The following VWA8 variants were observed in gnomAD, a reference collection of about 807,000 sequenced individuals.
VWA8 encodes the protein von Willebrand factor A domain containing 8.
In VWA8, 221 loss-of-function variants were observed where a neutral mutation model predicts 241.5. The ratio of observed to expected loss-of-function variants is 0.91; its 90% CI spans 0.82 to 1.02. The LOEUF is 1.02. VWA8 is among the 50% of genes least tolerant of loss of function. The pLI is 0.00. For missense variants in VWA8, 2,322 were observed against 2,328.7 expected, an observed-to-expected ratio of 1.00 and a Z score of 0.06; for synonymous variants, 852 against 827.1, an observed-to-expected ratio of 1.03 and a Z score of -0.52.
chr13:41,926,164 C>T, intron 2 of VWA8: 1 of 612,442 alleles, frequency 1.6e-6, no homozygotes, highest in South Asian at 2.2e-5. Flanking sequence ...CCTGGGAAAA[C>T]CAAGAAGGGT....
chr13:41,783,553 G>A (rs1327395331), intron 19 of VWA8, among the ~76,000 whole-genome samples: 10 of 151,154 alleles, frequency 6.6e-5, no homozygotes, highest in Non-Finnish European at 8.8e-5. Context: ...TAGAAGAATC[G>A]CTTGAACCTG....
chr13:41,747,323 A>G (rs1285061120), intron 21 of VWA8, among the ~76,000 whole-genome samples: 5 of 152,196 alleles, frequency 3.3e-5, no homozygotes, highest in South Asian at 4.1e-4. Context: ...CATCCCTTGT[A>G]AGTTGGATTC....
chr13:41,813,297 A>T (rs1870548802), intron 16 of VWA8, among the ~76,000 whole-genome samples: 2 of 152,172 alleles, frequency 1.3e-5, no homozygotes, highest in South Asian at 4.1e-4. Context: ...ATCTGCCTAT[A>T]AAAGGAAAAA....
rs748380246 is a variant in VWA8, at chr13:41,761,149, C to T, written c.2405G>A (p.Arg802Gln). 3.7e-6 allele frequency: 6 copies of T among 1,611,438 alleles called. 1 individual carries two copies. The highest frequency in any genetic ancestry group is 2.2e-5 in the South Asian group (2 of 90,952). ...DRFLHLLNRPREYIQLHRDTT... is the reference protein window; with the variant it reads ...DRFLHLLNRPQEYIQLHRDTT... ...TTACCTGTGTAGCTGAATATATTCT[C>T]GGGGTCTGTTGAGCAGGTGAAGGAA... Residue 802 changes from arginine to glutamine, a missense_variant, in exon 21 of 45, where the codon CGA (arginine) becomes CAA (glutamine). Physicochemically the swap from Arg to Gln is conservative, Grantham distance 43. Transcript: ENST00000379310.
chr13:41,838,648 A>T (rs979687205), intron 12 of VWA8, among the ~76,000 whole-genome samples: 1 of 152,226 alleles, frequency 6.6e-6, no homozygotes, highest in African/African-American at 2.4e-5. Flanking sequence ...CTAAACAAGG[A>T]AAGATGAAAC....
At chr13:41,875,201 A>G (rs1009576628) in intron 9 of VWA8, among the ~76,000 whole-genome samples, 12 of 152,218 alleles carry the variant, frequency 7.9e-5, no homozygotes, top group Middle Eastern at 6.8e-3. Flanking sequence ...CTATGAGTAG[A>G]CAGAAACCCC....
intron 35 of VWA8, among the ~76,000 whole-genome samples, chr13:41,676,621 G>C (rs769565962): frequency 1.3e-5 from 2 of 151,978 alleles, no homozygotes; most frequent in Non-Finnish European, 2.9e-5. Context: ...GAAGTGTTCT[G>C]CTGTTTTTGT....
At chr13:41,729,417 G>T (rs2045463050) in intron 23 of VWA8, 125 bp downstream of exon 23, 3 of 901,314 alleles carry the variant, frequency 3.3e-6, no homozygotes, top group South Asian at 5.2e-5. Flanking sequence ...GTCAATACAG[G>T]CAACTTAAGT....
Position 41,615,022 on chromosome 13 carries a change from TG to T in VWA8, c.4673del (p.Pro1558GlnfsTer70). ...VSSPKHGKED[P>X]DNMPHVGGNT... ...TGCCGCCCACGTGAGGCATGTTGTC[TG>T]GGTCCTCCTTCCCGTGTTTGGGGGA... On this transcript the variant is annotated frameshift_variant, in exon 38 of 45. Coordinates refer to ENST00000379310, the MANE Select transcript of VWA8 (RefSeq NM_015058.2). LOFTEE classifies it high-confidence loss of function. 1 of 1,613,924 alleles carries T rather than the reference TG, an allele frequency of 6.2e-7. No individual in the cohort carries two copies. The highest frequency in any genetic ancestry group is 1.7e-5 in the Admixed American group (1 of 60,018).
At chr13:41,952,888 T>C (rs1188300341) in intron 1 of VWA8, among the ~76,000 whole-genome samples, 1 of 152,090 alleles carries the variant, frequency 6.6e-6, no homozygotes, top group Non-Finnish European at 1.5e-5. Flanking sequence ...GATGGTGCAG[T>C]ATCCTAGGAC....
chr13:41,865,157 C>CATG (rs1490512228), intron 12 of VWA8: 3 of 204,432 alleles, frequency 1.5e-5, no homozygotes, highest in African/African-American at 7.2e-5. Flanking sequence ...TGTGTGGGGA[C>CATG]ATGCACATAA....
intron 26 of VWA8, among the ~76,000 whole-genome samples, chr13:41,711,817 T>A (rs1032884666): frequency 8.0e-4 from 121 of 151,672 alleles, no homozygotes; most frequent in Non-Finnish European, 1.0e-4. Context: ...GAGCTTACAG[T>A]GAGCCGAGAT....
chr13:41,819,868 G>A (rs1424507683), intron 14 of VWA8, among the ~76,000 whole-genome samples: 1 of 152,140 alleles, frequency 6.6e-6, no homozygotes, highest in Non-Finnish European at 1.5e-5. Flanking sequence ...AACATAAAGG[G>A]TTAGATTGAA....
At chr13:41,774,751 T>C (rs1195090499) in intron 20 of VWA8, among the ~76,000 whole-genome samples, 1 of 152,178 alleles carries the variant, frequency 6.6e-6, no homozygotes, top group Non-Finnish European at 1.5e-5. Flanking sequence ...GCCAAGCCTA[T>C]AATTTTATAG....
At chr13:41,863,800 C>T (rs1450465207) in intron 12 of VWA8, among the ~76,000 whole-genome samples, 20 of 151,922 alleles carry the variant, frequency 1.3e-4, no homozygotes, top group Non-Finnish European at 2.9e-5. Flanking sequence ...GAAAAACAAA[C>T]AATAGGGACT....
intron 37 of VWA8, among the ~76,000 whole-genome samples, chr13:41,659,537 A>G (rs775738821): frequency 2.0e-5 from 3 of 152,194 alleles, no homozygotes; most frequent in Non-Finnish European, 4.4e-5. Context: ...CTGCTATTAG[A>G]ATAGTATTAG....
intron 23 of VWA8, 36 bp downstream of exon 23, chr13:41,729,506 T>G (rs2137861111): frequency 6.3e-7 from 1 of 1,588,934 alleles, no homozygotes; most frequent in African/African-American, 1.4e-5. Flanking sequence ...AAACATTGTA[T>G]TTATTAAAGG....
chr13:41,701,287 G>T lies in VWA8; in HGVS notation c.3364+105C>A, dbSNP rs538620777. ...ATTGCTATCCAATCCAAGAATGACA[G>T]ACACCAAGTCTATCATAAACTTTTT... On this transcript the variant is annotated intron_variant, in intron 28 of 44. Coordinates refer to ENST00000379310, the MANE Select transcript of VWA8 (RefSeq NM_015058.2). 1.2e-5 allele frequency: 16 copies of T among 1,338,724 alleles called. No individual in the cohort carries two copies. In the African/African-American group the frequency reaches 2.3e-4, roughly 19 times the overall value. 82.9% of individuals were successfully genotyped at this position (1,338,724 alleles called of 1,614,324 possible).
rs780411659 is a variant in VWA8 at position 41,886,822 on chromosome 13, A to C, written c.825T>G (p.Leu275=). Residue 275 remains leucine, a synonymous_variant, in exon 7 of 45, where the codon CTT becomes CTG. Coordinates refer to ENST00000379310, the MANE Select transcript of VWA8 (RefSeq NM_015058.2). The stretch of plus-strand genomic sequence containing the variant: ...TGGCTCCAATTGAATATAACAACTT[A>C]AGTTGGTCCTAAAGTAATACAGAAA... ...DIYYLPFKDQ[L]KLLYSIGANV... is the part of the protein sequence containing the mutation. 1 of 1,589,752 alleles carries C rather than the reference A, an allele frequency of 6.3e-7. No individual in the cohort carries two copies. Among genetic ancestry groups the C allele is most frequent in the East Asian group, 2.3e-5 (1 of 44,182 alleles).
Sources: allele counts gnomAD v4.1 joint callset (sites outside exome capture counted in the v4.1 genomes callset), GRCh38; gene constraint gnomAD v4.1.1; transcripts MANE v1.5; gene names NCBI Gene and HGNC (gene_info 2026-07-23, HGNC 2026-07-21).